Variants in CDH10 observed in about 807,000 individuals in gnomAD.
The protein encoded by CDH10 is cadherin-10.
Under a neutral mutation model 73.1 loss-of-function variants are expected in CDH10, and 30 were observed. The observed-to-expected ratio is 0.41, with a 90% CI of 0.31 to 0.56. CDH10 has a LOEUF of 0.56. Ranked by LOEUF, CDH10 falls within the 20% of genes least tolerant of loss-of-function variation. The pLI, the probability that CDH10 is intolerant of heterozygous loss-of-function variation, is 0.27. For synonymous variants in CDH10, 345 were observed against 348.2 expected (o/e 0.99, Z 0.10); for missense variants, 815 against 973.7 (o/e 0.84, Z 2.17).
intron 2 of CDH10, chr5:24,578,536 T>C (rs1224660640): frequency 9.9e-6 from 3 of 303,696 alleles, no homozygotes; most frequent in Admixed American, 3.7e-5. Context: ...TTAGAACTGC[T>C]GGAAACTCCT....
At chr5:24,528,324 A>G (rs771812964) in intron 5 of CDH10, among the ~76,000 whole-genome samples, 33 of 151,850 alleles carry the variant, frequency 2.2e-4, no homozygotes, top group Non-Finnish European at 4.4e-4. Context: ...CAGTTGCTCT[A>G]GTTGAAAAGT....
chr5:24,592,911 T>C (rs1746248015), intron 2 of CDH10, among the ~76,000 whole-genome samples: 1 of 151,494 alleles, frequency 6.6e-6, no homozygotes. Flanking sequence ...GAAATATATA[T>C]ATATATATAT....
At chr5:24,591,345 C>T (rs1340545794) in intron 2 of CDH10, among the ~76,000 whole-genome samples, 1 of 151,894 alleles carries the variant, frequency 6.6e-6, no homozygotes, top group Non-Finnish European at 1.5e-5. Flanking sequence ...CCATTAAAAG[C>T]AGACTCAGAG....
At chr5:24,542,445 T>A (rs1274127933) in intron 2 of CDH10, among the ~76,000 whole-genome samples, 1 of 152,162 alleles carries the variant, frequency 6.6e-6, no homozygotes, top group Non-Finnish European at 1.5e-5. Flanking sequence ...AGACTTATCA[T>A]TGTGTTATAA....
chr5:24,643,817 T>C (rs570917499), intron 1 of CDH10, among the ~76,000 whole-genome samples: 68 of 152,316 alleles, frequency 4.5e-4, no homozygotes, highest in Non-Finnish European at 7.9e-4. Flanking sequence ...TACAGTGCTA[T>C]CAATAGTTAC....
chr5:24,617,366 T>C (rs1163596003), intron 1 of CDH10, among the ~76,000 whole-genome samples: 3 of 152,128 alleles, frequency 2.0e-5, no homozygotes, highest in African/African-American at 4.8e-5. Context: ...AATATTTGTA[T>C]TGAGATCAAT....
At chr5:24,532,250 C>T (rs2319471) in intron 5 of CDH10, among the ~76,000 whole-genome samples, 70,157 of 151,666 alleles carry the variant, frequency 0.46, 16,459 homozygotes, top group East Asian at 0.58. Context: ...TTTTATAATA[C>T]TGAATAATAA....
At chr5:24,613,839 C>T (rs1436843074) in intron 1 of CDH10, among the ~76,000 whole-genome samples, 2 of 152,042 alleles carry the variant, frequency 1.3e-5, no homozygotes, top group Admixed American at 6.6e-5. Context: ...AAAACACCTT[C>T]TATATTTCTA....
At chr5:24,594,893 A>AAAAAG (rs1746319948) in intron 1 of CDH10, among the ~76,000 whole-genome samples, 1 of 152,004 alleles carries the variant, frequency 6.6e-6, no homozygotes, top group Non-Finnish European at 1.5e-5. Flanking sequence ...ACAGTGTATA[A>AAAAAG]AAAAGAATCT....
At chr5:24,508,601 C>T (rs1457673058) in intron 7 of CDH10, among the ~76,000 whole-genome samples, 2 of 152,110 alleles carry the variant, frequency 1.3e-5, no homozygotes, top group South Asian at 2.1e-4. Flanking sequence ...TCATGGCAAC[C>T]TTGACCTCCT....
intron 2 of CDH10, among the ~76,000 whole-genome samples, chr5:24,560,416 A>T (rs1399962494): frequency 2.0e-5 from 3 of 151,916 alleles, no homozygotes; most frequent in Non-Finnish European, 4.4e-5. Context: ...TTTCCTTTAG[A>T]TTTTTCTTTT....
intron 5 of CDH10, among the ~76,000 whole-genome samples, chr5:24,525,737 G>GATC (rs1743506298): frequency 1.3e-5 from 2 of 151,984 alleles, no homozygotes; most frequent in African/African-American, 4.8e-5. Context: ...CTGGAGATAC[G>GATC]ATCATCAACT....
chr5:24,576,196 C>T (rs1185832136), intron 2 of CDH10, among the ~76,000 whole-genome samples: 1 of 151,960 alleles, frequency 6.6e-6, no homozygotes, highest in African/African-American at 2.4e-5. Flanking sequence ...AGCTATAAAC[C>T]AAAATTAAAT....
At chr5:24,506,675 C>T (rs1424739688) in intron 7 of CDH10, among the ~76,000 whole-genome samples, 5 of 152,032 alleles carry the variant, frequency 3.3e-5, no homozygotes, top group Non-Finnish European at 7.4e-5. Flanking sequence ...ACTAAGAACT[C>T]CTTGAGAAAC....
At chr5:24,605,541 C>T (rs1379659175) in intron 1 of CDH10, among the ~76,000 whole-genome samples, 7 of 152,274 alleles carry the variant, frequency 4.6e-5, no homozygotes, top group East Asian at 1.9e-4. Context: ...CTGTCTTCCA[C>T]GAAGTGGGTC....
chr5:24,612,398 T>A (rs1217167139), intron 1 of CDH10: 2 of 152,230 alleles, frequency 1.3e-5, no homozygotes, highest in African/African-American at 4.8e-5. Context: ...AATTTTGTTT[T>A]GGTGAAAAAT....
At chr5:24,642,063 C>G (rs1052809758) in intron 1 of CDH10, among the ~76,000 whole-genome samples, 2 of 152,116 alleles carry the variant, frequency 1.3e-5, no homozygotes, top group Non-Finnish European at 1.5e-5. Flanking sequence ...TTTTAATACC[C>G]AAGGGCTACA....
intron 1 of CDH10, among the ~76,000 whole-genome samples, chr5:24,609,019 T>C (rs566658954): frequency 2.0e-5 from 3 of 152,348 alleles, no homozygotes; most frequent in African/African-American, 7.2e-5. Flanking sequence ...TGTGATTATA[T>C]AGTTCTGAGT....
chr5:24,492,031 T>C (rs1275726922), intron 10 of CDH10, among the ~76,000 whole-genome samples: 1 of 152,214 alleles, frequency 6.6e-6, no homozygotes, highest in Non-Finnish European at 1.5e-5. Flanking sequence ...ATTGTTCATT[T>C]ATTAGGTTTT....
Sources: allele counts gnomAD v4.1 joint callset (sites outside exome capture counted in the v4.1 genomes callset), GRCh38; gene constraint gnomAD v4.1.1; transcripts MANE v1.5; gene names NCBI Gene and HGNC (gene_info 2026-07-23, HGNC 2026-07-21).